Variants in SUPT3H observed in about 807,000 individuals in gnomAD.
SUPT3H encodes SPT3 homolog, SAGA and STAGA complex component.
A neutral mutation model predicts 44.3 loss-of-function variants in SUPT3H; 44 were observed. The ratio of observed to expected loss-of-function variants is 0.99; its 90% CI spans 0.78 to 1.28. SUPT3H has a LOEUF of 1.28. Ranked by LOEUF, SUPT3H falls within the 50% of genes most tolerant of loss-of-function variation. The pLI is 0.00. For synonymous variants in SUPT3H, 124 were observed against 125.6 expected, an observed-to-expected ratio of 0.99 and a Z score of 0.09; for missense variants, 380 against 387.1, an observed-to-expected ratio of 0.98 and a Z score of 0.15.
At chr6:44,899,862 GAC>G (rs1234987269) in intron 10 of SUPT3H, among the ~76,000 whole-genome samples, 6 of 152,262 alleles carry the variant, frequency 3.9e-5, no homozygotes, top group African/African-American at 1.4e-4. Context: ...GAATTTCATA[GAC>G]TTTCTGCTGG....
chr6:45,209,174 G>A (rs1284965), intron 2 of SUPT3H, among the ~76,000 whole-genome samples: 93,279 of 152,014 alleles, frequency 0.61, 29,139 homozygotes, highest in African/African-American at 0.74. Flanking sequence ...GGAGATATAC[G>A]AGGAGATGAA....
At position 45,020,533 on chromosome 6, in the gene SUPT3H, T is replaced by C. The variant is rs1476342177; in HGVS notation, c.273+13A>G. The C allele has an allele frequency of 1.3e-6, 2 of 1,596,034 alleles. No homozygotes were observed. The highest frequency in any genetic ancestry group is 2.7e-5 in the African/African-American group (2 of 74,374). On this transcript the variant is annotated intron_variant, in intron 4 of 10. Coordinates refer to ENST00000371459, the MANE Select transcript of SUPT3H (RefSeq NM_003599.4). ...AACGTGGATTTTAATACAATAAAAT[T>C]ATGTTATATTACCTTATCTTTGCGC... is the stretch of plus-strand genomic sequence containing the variant.
At chr6:45,209,500 A>G (rs563370562) in intron 2 of SUPT3H, among the ~76,000 whole-genome samples, 1 of 152,350 alleles carries the variant, frequency 6.6e-6, no homozygotes, top group Non-Finnish European at 1.5e-5. Flanking sequence ...GATGTGGTAG[A>G]AACTGTAAGA....
intron 2 of SUPT3H, among the ~76,000 whole-genome samples, chr6:45,109,387 G>A (rs1486536472): frequency 1.3e-5 from 2 of 151,952 alleles, no homozygotes; most frequent in East Asian, 1.9e-4. Context: ...TAAATAATTG[G>A]CTTAACCATA....
chr6:45,306,850 TG>T (rs1291738496), intron 2 of SUPT3H, among the ~76,000 whole-genome samples: 1 of 152,170 alleles, frequency 6.6e-6, no homozygotes, highest in Non-Finnish European at 1.5e-5. Context: ...CGCCTCACCC[TG>T]GAAGTGCAAG....
chr6:45,101,034 A>G (rs1396772677), intron 3 of SUPT3H, among the ~76,000 whole-genome samples: 3 of 152,240 alleles, frequency 2.0e-5, no homozygotes, highest in Non-Finnish European at 4.4e-5. Context: ...GAATTCTGTC[A>G]TTTGTGGCAA....
intron 2 of SUPT3H, chr6:45,328,761 C>T (rs373621180): frequency 6.2e-7 from 1 of 1,611,938 alleles, no homozygotes; most frequent in African/African-American, 1.3e-5. Context: ...ACAGTGACAC[C>T]ATGTCAGCAA....
intron 6 of SUPT3H, among the ~76,000 whole-genome samples, chr6:44,967,957 T>C (rs951290493): frequency 9.2e-5 from 14 of 151,904 alleles, no homozygotes; most frequent in South Asian, 2.1e-4. Context: ...GCCTGGCAAA[T>C]TGTTTTCTTA....
chr6:45,090,848 A>G (rs1470549297), intron 3 of SUPT3H, among the ~76,000 whole-genome samples: 3 of 151,856 alleles, frequency 2.0e-5, no homozygotes, highest in Admixed American at 1.3e-4. Context: ...TTTATTAGGA[A>G]TACAGTTATT....
chr6:45,105,089 A>G (rs921196537), intron 3 of SUPT3H, among the ~76,000 whole-genome samples: 1 of 151,978 alleles, frequency 6.6e-6, no homozygotes, highest in Non-Finnish European at 1.5e-5. Context: ...AGCATATACA[A>G]CGAGAAACAG....
chr6:45,146,772 G>C (rs1806150646), intron 2 of SUPT3H, among the ~76,000 whole-genome samples: 3 of 152,086 alleles, frequency 2.0e-5, no homozygotes, highest in African/African-American at 7.2e-5. Flanking sequence ...ACTCACACCT[G>C]AATCTGGTAA....
At chr6:45,026,800 T>G (rs556371682) in intron 3 of SUPT3H, among the ~76,000 whole-genome samples, 42 of 152,246 alleles carry the variant, frequency 2.8e-4, no homozygotes, top group African/African-American at 9.9e-4. Flanking sequence ...CACCCCAAAT[T>G]TGACCATCTC....
intron 3 of SUPT3H, among the ~76,000 whole-genome samples, chr6:45,100,203 C>CA (rs924855856): frequency 1.1e-4 from 16 of 151,930 alleles, no homozygotes; most frequent in Non-Finnish European, 2.1e-4. Context: ...AAATGGAACT[C>CA]AAAAGTACAG....
chr6:45,348,526 T>C (rs1554356688), intron 2 of SUPT3H, among the ~76,000 whole-genome samples: 1 of 64,514 alleles, frequency 1.6e-5, no homozygotes, highest in Admixed American at 1.5e-4. Context: ...AAAAAAAAAG[T>C]TATCCAGGTA....
At chr6:45,028,396 A>C (rs1439226388) in intron 3 of SUPT3H, among the ~76,000 whole-genome samples, 3 of 151,856 alleles carry the variant, frequency 2.0e-5, no homozygotes, top group Admixed American at 6.6e-5. Context: ...CCATGTTCCA[A>C]AGTTTCATTT....
chr6:44,985,204 TAAATAAATAAATA>T (rs1779615303), intron 6 of SUPT3H, among the ~76,000 whole-genome samples: 1 of 36,068 alleles, frequency 2.8e-5, no homozygotes, highest in African/African-American at 1.1e-4. Flanking sequence ...AATAAATAAA[TAAATAAATAAATA>T]AAATAAAATA....
chr6:44,819,145 A>G (rs1767109585), intron 11 of SUPT3H, among the ~76,000 whole-genome samples: 1 of 152,232 alleles, frequency 6.6e-6, no homozygotes, highest in Non-Finnish European at 1.5e-5. Context: ...GCAATAACAT[A>G]TAATGAACTA....
intron 3 of SUPT3H, among the ~76,000 whole-genome samples, chr6:45,078,559 TG>T (rs1222338553): frequency 6.6e-6 from 1 of 152,214 alleles, no homozygotes; most frequent in East Asian, 1.9e-4. Context: ...TATTTCCTGT[TG>T]TAGCATTCCT....
At chr6:45,283,218 C>T (rs1029318980) in intron 2 of SUPT3H, among the ~76,000 whole-genome samples, 1 of 152,128 alleles carries the variant, frequency 6.6e-6, no homozygotes, top group African/African-American at 2.4e-5. Context: ...ATGACAGGAT[C>T]AAATTCACAC....
Sources: gnomAD v4.1 joint callset for allele counts (sites outside exome capture counted in the v4.1 genomes callset) on GRCh38, gnomAD v4.1.1 for gene constraint, MANE v1.5 for transcripts, NCBI Gene and HGNC (gene_info 2026-07-23, HGNC 2026-07-21) for gene names.